Variants in SLCO1A2 observed in about 807,000 individuals in gnomAD.
SLCO1A2 encodes solute carrier organic anion transporter family member 1A2, also known as OATP-1.
SLCO1A2 carries 67 observed loss-of-function variants against 69.0 expected under a neutral mutation model. The observed-to-expected ratio is 0.97, with a 90% confidence interval of 0.80 to 1.19. The LOEUF is 1.19. SLCO1A2 is among the 50% of genes most tolerant of loss of function. The pLI is 0.00. For missense variants in SLCO1A2, 787 were observed against 793.7 expected, an observed-to-expected ratio of 0.99 and a Z score of 0.10; for synonymous variants, 260 against 265.9, an observed-to-expected ratio of 0.98 and a Z score of 0.22.
At chr12:21,271,507 G>A (rs751675945) in intron 14 of SLCO1A2, among the ~76,000 whole-genome samples, 13 of 151,068 alleles carry the variant, frequency 8.6e-5, no homozygotes, top group South Asian at 2.1e-4. Flanking sequence ...TTATCAGGTC[G>A]TTCTATGTCA....
rs11568569 is a variant in SLCO1A2 at position 21,318,947 on chromosome 12, G to A, written c.61-24C>T. 107 of 1,551,698 alleles carry A rather than the reference G, an allele frequency of 6.9e-5. 1 individual carries two copies. In the Admixed American group the frequency reaches 1.0e-3, roughly 15 times the overall value. ...ATCTAGGAAAAAAATATAAGAAAACGTAGAAAAAATTATTTTTAAATTGTA... is the reference window on the plus strand; with the variant it reads ...ATCTAGGAAAAAAATATAAGAAAACATAGAAAAAATTATTTTTAAATTGTA... On this transcript the variant is annotated intron_variant, in intron 2 of 14. Coordinates refer to ENST00000683939, the MANE Select transcript of SLCO1A2 (RefSeq NM_001386879.1).
chr12:21,304,379 AG>A lies in SLCO1A2; in HGVS notation c.589+47del, dbSNP rs781654280. 2.8e-6 allele frequency: 4 copies of A among 1,441,804 alleles called. No individual in the cohort carries two copies. In the East Asian group the frequency reaches 6.8e-5, roughly 25 times the overall value. 89.3% of individuals were successfully genotyped at this position (1,441,804 alleles called of 1,614,324 possible). A position where few individuals can be genotyped will look rare whatever the true frequency, so the allele number is the denominator to read the frequency against. ...AAAATATAACTAATTTCTAACCTCA[AG>A]GAACATATTGCCCTGAAAAGAAGCT... On this transcript the variant is annotated intron_variant, in intron 6 of 14. Coordinates refer to ENST00000683939, the MANE Select transcript of SLCO1A2 (RefSeq NM_001386879.1).
At chr12:21,347,743 CAT>C (rs919052807) in intron 2 of SLCO1A2, among the ~76,000 whole-genome samples, 32 of 144,554 alleles carry the variant, frequency 2.2e-4, no homozygotes, top group Admixed American at 8.9e-4. Context: ...AAAACTGAAT[CAT>C]ATAGAACAAA....
chr12:21,404,777 G>A (rs987055301), intron 1 of SLCO1A2, among the ~76,000 whole-genome samples: 4 of 152,158 alleles, frequency 2.6e-5, no homozygotes, highest in African/African-American at 7.2e-5. Context: ...GGCTCAAATA[G>A]TATTTCTGGT....
At chr12:21,385,693 G>A (rs1050543772) in intron 1 of SLCO1A2, among the ~76,000 whole-genome samples, 2 of 152,192 alleles carry the variant, frequency 1.3e-5, no homozygotes, top group Admixed American at 1.3e-4. Flanking sequence ...ACAGCTGGGT[G>A]TGATAAGGAT....
chr12:21,393,588 G>T (rs954975485), intron 1 of SLCO1A2, among the ~76,000 whole-genome samples: 4 of 152,106 alleles, frequency 2.6e-5, no homozygotes, highest in African/African-American at 9.7e-5. Flanking sequence ...GCTTATCAAA[G>T]AAAATTCTGC....
chr12:21,401,351 T>C (rs1941697747), intron 1 of SLCO1A2, among the ~76,000 whole-genome samples: 1 of 151,608 alleles, frequency 6.6e-6, no homozygotes, highest in South Asian at 2.1e-4. Context: ...TAAAATATCA[T>C]TCACAATAAC....
chr12:21,390,909 G>C (rs1941119940), intron 1 of SLCO1A2, among the ~76,000 whole-genome samples: 1 of 152,170 alleles, frequency 6.6e-6, no homozygotes, highest in African/African-American at 2.4e-5. Flanking sequence ...AAAGTTGTCA[G>C]CCTTCAGCTC....
upstream of SLCO1A2, chr12:21,419,548 G>T (rs555925934): frequency 6.4e-6 from 1 of 155,238 alleles, no homozygotes; most frequent in African/African-American, 2.4e-5. Flanking sequence ...ACTATATCCC[G>T]CACCTGGCTC....
At chr12:21,419,517 T>TA (rs537796162), upstream of SLCO1A2, 1,565 of 153,466 alleles carry the variant, frequency 0.01, 19 homozygotes, top group Non-Finnish European at 0.018. Flanking sequence ...CTGACGGGCT[T>TA]AAAAAATGGT....
chr12:21,382,430 T>C lies in SLCO1A2; in HGVS notation c.-189-7905A>G, dbSNP rs1940644054. 2.0e-5 allele frequency among the ~76,000 whole-genome samples: 3 copies of C among 152,150 alleles called. No individual in the cohort carries two copies. In the South Asian group the frequency reaches 6.2e-4, roughly 32 times the overall value. ...ACTAAAATGTTAAAATTCACCACTA[T>C]ATAATTCATCGGTGTAACCAAAAAC... On this transcript the variant is annotated intron_variant, in intron 1 of 15. Transcript: ENST00000307378.
intron 2 of SLCO1A2, chr12:21,319,487 C>T: frequency 7.3e-7 from 1 of 1,361,662 alleles, no homozygotes. Flanking sequence ...TCATTCTTCC[C>T]ATAGTAGGAT....
chr12:21,301,140 G>C (rs1348573481), intron 7 of SLCO1A2, 31 bp downstream of exon 7: 4 of 1,413,628 alleles, frequency 2.8e-6, no homozygotes, highest in Non-Finnish European at 4.0e-6. Flanking sequence ...GTATAGTCTA[G>C]ACACTGTACA....
intron 12 of SLCO1A2, among the ~76,000 whole-genome samples, chr12:21,283,498 C>G (rs1414051314): frequency 6.6e-6 from 1 of 152,036 alleles, no homozygotes; most frequent in Non-Finnish European, 1.5e-5. Flanking sequence ...CTCTCCAGGA[C>G]ATTGGACTGA....
chr12:21,390,277 A>G (rs1466177650), intron 1 of SLCO1A2, among the ~76,000 whole-genome samples: 1 of 152,102 alleles, frequency 6.6e-6, no homozygotes, highest in African/African-American at 2.4e-5. Context: ...AAACTTACAT[A>G]GATATGAGTT....
chr12:21,351,966 C>T (rs1393516752), intron 2 of SLCO1A2, among the ~76,000 whole-genome samples: 1 of 151,992 alleles, frequency 6.6e-6, no homozygotes, highest in Non-Finnish European at 1.5e-5. Context: ...TGAAATTGCC[C>T]TTAGGAGGAC....
At chr12:21,360,814 T>A (rs929132959) in intron 2 of SLCO1A2, among the ~76,000 whole-genome samples, 2 of 152,162 alleles carry the variant, frequency 1.3e-5, no homozygotes, top group African/African-American at 4.8e-5. Context: ...GAGATGGAAC[T>A]GCAAGGCAGC....
intron 12 of SLCO1A2, among the ~76,000 whole-genome samples, chr12:21,278,196 T>C (rs1295334723): frequency 6.6e-6 from 1 of 151,926 alleles, no homozygotes; most frequent in African/African-American, 2.4e-5. Context: ...AAAAGGTGTT[T>C]CTCATAGTCT....
intron 4 of SLCO1A2, among the ~76,000 whole-genome samples, chr12:21,309,553 A>G (rs191232405): frequency 2.0e-5 from 3 of 152,192 alleles, no homozygotes; most frequent in Admixed American, 6.5e-5. Context: ...CCTAGGGAAA[A>G]TATTTCCAAT....
Sources: allele counts gnomAD v4.1 joint callset (sites outside exome capture counted in the v4.1 genomes callset), GRCh38; gene constraint gnomAD v4.1.1; transcripts MANE v1.5; gene names NCBI Gene and HGNC (gene_info 2026-07-23, HGNC 2026-07-21).